The following CPNE4 variants were observed in gnomAD, a reference collection of about 807,000 sequenced individuals.
The protein encoded by CPNE4 is copine 4.
CPNE4 carries 25 observed loss-of-function variants against 67.9 expected under a neutral mutation model. The observed-to-expected ratio is 0.37, with a 90% CI of 0.27 to 0.51. The LOEUF (loss-of-function observed/expected upper bound fraction) is 0.51. Among genes scored for constraint, CPNE4 ranks in the 20% least tolerant of loss-of-function variants. The pLI is 0.93. For synonymous variants in CPNE4, 242 were observed against 244.9 expected (o/e 0.99, Z 0.11); for missense variants, 464 against 690.8 (o/e 0.67, Z 3.68).
intron 2 of CPNE4, among the ~76,000 whole-genome samples, chr3:131,756,753 T>C (rs2082760076): frequency 6.6e-6 from 1 of 152,180 alleles, no homozygotes; most frequent in South Asian, 2.1e-4. Context: ...GCTGATATGC[T>C]TTGGCTGCAC....
At chr3:131,640,457 C>A (rs955795823) in intron 7 of CPNE4, among the ~76,000 whole-genome samples, 1 of 151,944 alleles carries the variant, frequency 6.6e-6, no homozygotes, top group African/African-American at 2.4e-5. Flanking sequence ...TATACCTAAC[C>A]AAGGATGTGA....
intron 2 of CPNE4, among the ~76,000 whole-genome samples, chr3:131,725,901 C>A (rs1258569124): frequency 6.6e-6 from 1 of 152,210 alleles, no homozygotes; most frequent in African/African-American, 2.4e-5. Context: ...AACTTCCAGG[C>A]CTTTCTCCTT....
At chr3:131,541,888 C>G (rs976131814) in intron 15 of CPNE4, among the ~76,000 whole-genome samples, 3 of 152,112 alleles carry the variant, frequency 2.0e-5, no homozygotes, top group African/African-American at 4.8e-5. Flanking sequence ...TCAGGCTGGT[C>G]TCAAACTCCT....
intron 2 of CPNE4, among the ~76,000 whole-genome samples, chr3:131,734,562 G>A (rs141277813): frequency 2.0e-3 from 301 of 152,184 alleles, no homozygotes; most frequent in African/African-American, 6.6e-3. Flanking sequence ...ATTTTTAGTA[G>A]AGGAATATGG....
intron 2 of CPNE4, among the ~76,000 whole-genome samples, chr3:131,725,251 C>T (rs891458041): frequency 2.0e-5 from 3 of 152,224 alleles, no homozygotes; most frequent in East Asian, 1.9e-4. Flanking sequence ...CAGTTCAGTG[C>T]TTTGTCTCCA....
At chr3:131,554,554 G>T (rs150699873) in intron 12 of CPNE4, among the ~76,000 whole-genome samples, 2 of 152,214 alleles carry the variant, frequency 1.3e-5, no homozygotes, top group East Asian at 3.9e-4. Flanking sequence ...AGGAGAACAG[G>T]TCAGGGAGAC....
At chr3:131,632,012 G>A (rs1582925506) in intron 7 of CPNE4, among the ~76,000 whole-genome samples, 1 of 150,088 alleles carries the variant, frequency 6.7e-6, no homozygotes, top group African/African-American at 2.5e-5. Context: ...GCTGAGGCAC[G>A]AGAATCGCTT....
At chr3:131,615,166 G>A (rs1178776203) in intron 7 of CPNE4, among the ~76,000 whole-genome samples, 2 of 152,128 alleles carry the variant, frequency 1.3e-5, no homozygotes, top group African/African-American at 4.8e-5. Context: ...GAGAACCACT[G>A]TCTTAGATAA....
chr3:131,913,564 T>C (rs2089067763), intron 1 of CPNE4, among the ~76,000 whole-genome samples: 1 of 152,166 alleles, frequency 6.6e-6, no homozygotes, highest in Non-Finnish European at 1.5e-5. Context: ...AGTCAAAAGG[T>C]CAAACTGTGC....
At chr3:131,884,600 G>T (rs1293803760) in intron 2 of CPNE4, among the ~76,000 whole-genome samples, 3 of 152,126 alleles carry the variant, frequency 2.0e-5, no homozygotes, top group South Asian at 2.1e-4. Flanking sequence ...GATATGGTTT[G>T]GCTCTGTGTC....
intron 2 of CPNE4, among the ~76,000 whole-genome samples, chr3:131,732,146 C>T (rs1290887573): frequency 4.6e-5 from 7 of 152,168 alleles, no homozygotes; most frequent in Non-Finnish European, 8.8e-5. Context: ...TACCACACCC[C>T]AACCTCTGGA....
At chr3:131,754,354 G>A (rs975726760) in intron 2 of CPNE4, among the ~76,000 whole-genome samples, 3 of 151,528 alleles carry the variant, frequency 2.0e-5, no homozygotes, top group African/African-American at 7.3e-5. Flanking sequence ...AAAGAGGGTG[G>A]AACCAAACAA....
chr3:131,736,975 T>C (rs1434122950), intron 2 of CPNE4, among the ~76,000 whole-genome samples: 1 of 152,148 alleles, frequency 6.6e-6, no homozygotes, highest in African/African-American at 2.4e-5. Flanking sequence ...TTATGGAAAT[T>C]ACCCTAAGAC....
chr3:132,000,289 G>T (rs1023145624), intron 1 of CPNE4, among the ~76,000 whole-genome samples: 1 of 151,958 alleles, frequency 6.6e-6, no homozygotes, highest in Non-Finnish European at 1.5e-5. Flanking sequence ...ACTAAATGGA[G>T]GGAAGGTGTT....
At chr3:131,872,928 C>T (rs895497752) in intron 2 of CPNE4, among the ~76,000 whole-genome samples, 2 of 152,060 alleles carry the variant, frequency 1.3e-5, no homozygotes, top group African/African-American at 4.8e-5. Context: ...TGTAGACAAA[C>T]TAACCTTTAT....
chr3:131,786,318 T>A (rs1336604885), intron 2 of CPNE4, among the ~76,000 whole-genome samples: 2 of 152,132 alleles, frequency 1.3e-5, no homozygotes, highest in African/African-American at 4.8e-5. Context: ...TCAGATGAGT[T>A]TGCCAGAGTG....
intron 2 of CPNE4, among the ~76,000 whole-genome samples, chr3:131,821,988 A>T (rs1356124437): frequency 6.6e-6 from 1 of 152,214 alleles, no homozygotes; most frequent in Non-Finnish European, 1.5e-5. Flanking sequence ...ACTTCCAGGA[A>T]GTAAGAAGGA....
rs539533948 is a variant in CPNE4, at chr3:131,580,491, C to T, written c.867+1088G>A. On this transcript the variant is annotated intron_variant, in intron 9 of 15. Coordinates refer to ENST00000429747, the MANE Select transcript of CPNE4 (RefSeq NM_130808.3). The stretch of plus-strand genomic sequence containing the variant: ...ATGTATGCCTGTATACACACACACA[C>T]GCACACACACACACAACATGCACAC... Among the ~76,000 whole-genome samples, 130 of 149,484 alleles carry T rather than the reference C, an allele frequency of 8.7e-4. 1 individual carries two copies. The highest frequency in any genetic ancestry group is 1.9e-3 in the African/African-American group (74 of 39,476).
chr3:131,535,989 G>A (rs1203950275), intron 15 of CPNE4, among the ~76,000 whole-genome samples: 7 of 152,180 alleles, frequency 4.6e-5, no homozygotes. Flanking sequence ...TGGCTTTTAA[G>A]CTGAGCATAT....
Sources: gnomAD v4.1 joint callset for allele counts (sites outside exome capture counted in the v4.1 genomes callset) on GRCh38, gnomAD v4.1.1 for gene constraint, MANE v1.5 for transcripts, NCBI Gene and HGNC (gene_info 2026-07-23, HGNC 2026-07-21) for gene names.